LRRC20: variants seen among roughly 807,000 people sequenced by gnomAD.
LRRC20 encodes the protein leucine-rich repeat-containing protein 20.
LRRC20 carries 11 observed loss-of-function variants against 14.4 expected under a neutral mutation model. The observed-to-expected ratio is 0.77, with a 90% CI of 0.48 to 1.27. The LOEUF is 1.27. LRRC20 is among the 50% of genes most tolerant of loss of function. The pLI, the probability that LRRC20 is intolerant of heterozygous loss-of-function variation, is 0.00. For missense variants in LRRC20, 219 were observed against 251.2 expected (o/e 0.87, Z 0.87); for synonymous variants, 121 against 107.3 (o/e 1.13, Z -0.79).
intron 4 of LRRC20, among the ~76,000 whole-genome samples, chr10:70,304,241 A>G (rs1841319882): frequency 1.3e-5 from 2 of 151,870 alleles, no homozygotes; most frequent in South Asian, 2.1e-4. Flanking sequence ...CCACCCTAGC[A>G]CAGGACGGGG....
chr10:70,303,243 T>A (rs931780939), intron 4 of LRRC20, among the ~76,000 whole-genome samples: 1 of 152,186 alleles, frequency 6.6e-6, no homozygotes, highest in Non-Finnish European at 1.5e-5. Context: ...GAAATTCTTC[T>A]TAACTATGGG....
intron 3 of LRRC20, among the ~76,000 whole-genome samples, chr10:70,337,806 C>T (rs1394987617): frequency 6.6e-6 from 1 of 152,152 alleles, no homozygotes; most frequent in East Asian, 1.9e-4. Context: ...CAGGGGGAGA[C>T]CCTGGTGGAT....
intron 2 of LRRC20, among the ~76,000 whole-genome samples, chr10:70,367,131 C>G (rs1036763598): frequency 6.6e-6 from 1 of 151,874 alleles, no homozygotes; most frequent in Non-Finnish European, 1.5e-5. Context: ...TTGAGACCAG[C>G]CTCGCCAACA....
chr10:70,326,287 C>T (rs1272725254), intron 3 of LRRC20, among the ~76,000 whole-genome samples: 2 of 115,082 alleles, frequency 1.7e-5, no homozygotes, highest in Non-Finnish European at 3.7e-5. Context: ...CCCTTCCCAG[C>T]GCCTCTGTGT....
chr10:70,314,280 A>T (rs1421861918), intron 4 of LRRC20, among the ~76,000 whole-genome samples: 1 of 152,138 alleles, frequency 6.6e-6, no homozygotes, highest in Non-Finnish European at 1.5e-5. Context: ...CAACCCAGGA[A>T]CTGACTCAGT....
intron 3 of LRRC20, among the ~76,000 whole-genome samples, chr10:70,327,045 T>G (rs1354636475): frequency 6.6e-6 from 1 of 151,996 alleles, no homozygotes; most frequent in Non-Finnish European, 1.5e-5. Flanking sequence ...CTGAGAAAAA[T>G]AAGAAGCATC....
At chr10:70,341,062 G>A (rs183946324) in intron 2 of LRRC20, among the ~76,000 whole-genome samples, 209 of 152,286 alleles carry the variant, frequency 1.4e-3, no homozygotes, top group Non-Finnish European at 2.3e-3. Flanking sequence ...TCAAAGACTC[G>A]ACAGCGCAGA....
At chr10:70,345,755 A>G (rs1345207542) in intron 2 of LRRC20, among the ~76,000 whole-genome samples, 1 of 152,246 alleles carries the variant, frequency 6.6e-6, no homozygotes, top group Non-Finnish European at 1.5e-5. Context: ...GAATCATTAA[A>G]AAGAAAAGAA....
chr10:70,326,358 C>G (rs1236428710), intron 3 of LRRC20, among the ~76,000 whole-genome samples: 1 of 151,832 alleles, frequency 6.6e-6, no homozygotes, highest in Non-Finnish European at 1.5e-5. Context: ...ACCAGCCCCA[C>G]TGCAAATGCC....
chr10:70,366,887 C>A (rs1490651369), intron 2 of LRRC20, among the ~76,000 whole-genome samples: 1 of 152,110 alleles, frequency 6.6e-6, no homozygotes, highest in Non-Finnish European at 1.5e-5. Context: ...AGGTTAGATG[C>A]AAATACTATA....
intron 2 of LRRC20, among the ~76,000 whole-genome samples, chr10:70,351,612 C>G (rs529817304): frequency 2.4e-4 from 37 of 152,108 alleles, no homozygotes; most frequent in Non-Finnish European, 4.4e-4. Context: ...GTAAAATACA[C>G]ATAACAAAAA....
intron 3 of LRRC20, among the ~76,000 whole-genome samples, chr10:70,330,288 G>A (rs942126560): frequency 1.3e-5 from 2 of 151,928 alleles, no homozygotes; most frequent in African/African-American, 4.8e-5. Flanking sequence ...TTATTTGATA[G>A]TCATAGGTCT....
At chr10:70,326,328 A>ACACACACACC (rs1842321180) in intron 3 of LRRC20, among the ~76,000 whole-genome samples, 1 of 151,296 alleles carries the variant, frequency 6.6e-6, no homozygotes, top group African/African-American at 2.4e-5. Flanking sequence ...ACACACACAC[A>ACACACACACC]CACACGCACG....
At chr10:70,349,381 C>A (rs1843205750) in intron 2 of LRRC20, among the ~76,000 whole-genome samples, 1 of 152,060 alleles carries the variant, frequency 6.6e-6, no homozygotes, top group African/African-American at 2.4e-5. Flanking sequence ...AGTTCGAGAC[C>A]AGCCTGGCCA....
At position 70,324,320 on chromosome 10, in the gene LRRC20, G is replaced by C. The variant is rs528636280; in HGVS notation, c.233-290C>G. On this transcript the variant is annotated intron_variant, in intron 3 of 4. Transcript: ENST00000446961. ...GCAGAAGCCTGGGCCTCAGCGAGGG[G>C]TCAGGAGGTGCTGGCTCCTCCCTCA... 4.9e-4 allele frequency among the ~76,000 whole-genome samples: 74 copies of C among 152,340 alleles called. No individual in the cohort carries two copies. In the Middle Eastern group the frequency reaches 0.01, roughly 21 times the overall value.
intron 1 of LRRC20, among the ~76,000 whole-genome samples, chr10:70,377,716 C>T (rs997342681): frequency 1.3e-5 from 2 of 152,216 alleles, no homozygotes; most frequent in Non-Finnish European, 2.9e-5. Context: ...AGCTAACAGT[C>T]ACCAAGAAAA....
chr10:70,362,495 G>A (rs1227933762), intron 2 of LRRC20, among the ~76,000 whole-genome samples: 1 of 152,250 alleles, frequency 6.6e-6, no homozygotes, highest in African/African-American at 2.4e-5. Context: ...AAAGGTCAGC[G>A]CTGGAGTCCC....
rs553966284 is a variant in LRRC20, at chr10:70,306,673, T to C, written c.401-5165A>G. On this transcript the variant is annotated intron_variant, in intron 4 of 4. Transcript: ENST00000446961. ...TATAATTACTATTGTGTGTTTTTTT[T>C]CTCCCTTGCATCTAACAAGAAGTCT... Among the ~76,000 whole-genome samples, 171 of 152,298 alleles carry C rather than the reference T, an allele frequency of 1.1e-3. 2 individuals are homozygous for C. In the South Asian group the frequency reaches 0.034, roughly 31 times the overall value.
At chr10:70,301,865 T>C (rs1012920021) in intron 4 of LRRC20, among the ~76,000 whole-genome samples, 3 of 152,200 alleles carry the variant, frequency 2.0e-5, no homozygotes, top group Non-Finnish European at 4.4e-5. Context: ...CTATTTATAA[T>C]AGTCAAATGT....
Sources: gnomAD v4.1 joint callset for allele counts (sites outside exome capture counted in the v4.1 genomes callset) on GRCh38, gnomAD v4.1.1 for gene constraint, MANE v1.5 for transcripts, NCBI Gene and HGNC (gene_info 2026-07-23, HGNC 2026-07-21) for gene names.